LOC400499: variants seen among roughly 807,000 people sequenced by gnomAD.
chr16:11,503,973 G>C, the LOC400499 span, among the ~76,000 whole-genome samples: 17 of 152,264 alleles, frequency 1.1e-4, no homozygotes, highest in East Asian at 3.1e-3. Context: ...CCTCTGGCTG[G>C]TGGCTGCCTT....
At chr16:11,469,490 G>C in the LOC400499 span, 11 of 399,140 alleles carry the variant, frequency 2.8e-5, no homozygotes, top group Admixed American at 4.4e-4. Flanking sequence ...AGTGAGCAGG[G>C]AGGGACGTTG....
At chr16:11,443,631 T>A in the LOC400499 span, among the ~76,000 whole-genome samples, 2 of 152,194 alleles carry the variant, frequency 1.3e-5, no homozygotes, top group East Asian at 1.9e-4. Context: ...GGGGTTCTAG[T>A]AGGCATTTTA....
the LOC400499 span, chr16:11,390,305 C>T: frequency 3.5e-5 from 43 of 1,232,954 alleles, no homozygotes; most frequent in East Asian, 1.3e-3. Context: ...TTCATGGCCC[C>T]CAGGGCCGCC....
chr16:11,417,853 A>G, the LOC400499 span: 47,632 of 398,626 alleles, frequency 0.12, 3,623 homozygotes, highest in African/African-American at 0.28. Flanking sequence ...GAATGACACC[A>G]AGGAGACGCT....
chr16:11,461,983 G>T, the LOC400499 span: 1 of 818,526 alleles, frequency 1.2e-6, no homozygotes, highest in Non-Finnish European at 1.7e-6. Flanking sequence ...CTCACATGGA[G>T]CTTGGATCTG....
chr16:11,385,080 G>A, the LOC400499 span: 1 of 1,232,248 alleles, frequency 8.1e-7, no homozygotes, highest in Non-Finnish European at 1.0e-6. Context: ...GGGCCAGAGG[G>A]GGCTGGGCAG....
the LOC400499 span, among the ~76,000 whole-genome samples, chr16:11,477,584 G>C: frequency 6.6e-6 from 1 of 152,242 alleles, no homozygotes; most frequent in Admixed American, 6.5e-5. Flanking sequence ...GTTGTGGCCA[G>C]CCACCTCGTA....
the LOC400499 span, among the ~76,000 whole-genome samples, chr16:11,424,680 TTG>T: frequency 4.2e-4 from 64 of 152,252 alleles, no homozygotes; most frequent in African/African-American, 1.5e-3. Flanking sequence ...AGGGGTCTGA[TTG>T]TGTGTCCTCC....
chr16:11,499,090 G>A, the LOC400499 span, among the ~76,000 whole-genome samples: 1 of 47,066 alleles, frequency 2.1e-5, no homozygotes, highest in African/African-American at 8.3e-5. Context: ...GAAGAGGGGA[G>A]GGGGAAGGGA....
At chr16:11,409,984 A>G in the LOC400499 span, among the ~76,000 whole-genome samples, 7 of 152,214 alleles carry the variant, frequency 4.6e-5, no homozygotes, top group Admixed American at 4.6e-4. Flanking sequence ...AAAACTAAGA[A>G]GCTCCCGGAA....
chr16:11,449,083 G>C, the LOC400499 span: 6 of 1,467,530 alleles, frequency 4.1e-6, no homozygotes, highest in Non-Finnish European at 5.5e-6. Context: ...AAGAGGCTCT[G>C]TGCCAAGACT....
the LOC400499 span, among the ~76,000 whole-genome samples, chr16:11,497,579 G>A: frequency 6.6e-6 from 1 of 152,224 alleles, no homozygotes; most frequent in Non-Finnish European, 1.5e-5. Flanking sequence ...GTCACAGCCT[G>A]CAGGGCTGTG....
the LOC400499 span, among the ~76,000 whole-genome samples, chr16:11,475,974 G>T: frequency 6.6e-6 from 1 of 152,174 alleles, no homozygotes; most frequent in Non-Finnish European, 1.5e-5. Context: ...ATAGAGCAGG[G>T]CCTCCCCTAG....
the LOC400499 span, among the ~76,000 whole-genome samples, chr16:11,437,768 C>T: frequency 1.3e-5 from 2 of 152,050 alleles, no homozygotes; most frequent in South Asian, 4.2e-4. Flanking sequence ...ACTTGGGAGG[C>T]GGAGGCACAA....
At chr16:11,468,034 T>C in the LOC400499 span, among the ~76,000 whole-genome samples, 6,015 of 152,014 alleles carry the variant, frequency 0.04, 390 homozygotes, top group African/African-American at 0.14. Flanking sequence ...TGGGGGCTTC[T>C]AGAATCCAGG....
chr16:11,451,529 C>A, the LOC400499 span, among the ~76,000 whole-genome samples: 1 of 151,430 alleles, frequency 6.6e-6, no homozygotes, highest in African/African-American at 2.4e-5. Flanking sequence ...CCAGCCTGGG[C>A]AACAGAGGGA....
chr16:11,390,546 G>T, the LOC400499 span: 1 of 1,084,588 alleles, frequency 9.2e-7, no homozygotes. Context: ...AGGCCTCGAG[G>T]AGATAGGGCC....
At chr16:11,468,551 C>T in the LOC400499 span, among the ~76,000 whole-genome samples, 5 of 152,190 alleles carry the variant, frequency 3.3e-5, no homozygotes, top group African/African-American at 9.7e-5. Context: ...ATCTCGAACT[C>T]CTACCCTCAA....
At chr16:11,466,772 T>C in the LOC400499 span, among the ~76,000 whole-genome samples, 1 of 152,198 alleles carries the variant, frequency 6.6e-6, no homozygotes, top group Non-Finnish European at 1.5e-5. Context: ...TTTTGAACTT[T>C]GAATCATTTA....
Sources: allele counts gnomAD v4.1 joint callset (sites outside exome capture counted in the v4.1 genomes callset), GRCh38; gene constraint gnomAD v4.1.1; transcripts MANE v1.5.